The following NRG3 variants were observed in gnomAD, a reference collection of about 807,000 sequenced individuals.
The protein encoded by NRG3 is neuregulin 3.
A neutral mutation model predicts 66.9 loss-of-function variants in NRG3; 31 were observed. The observed-to-expected ratio is 0.46, with a 90% CI of 0.35 to 0.63. The LOEUF is 0.63. Among genes scored for constraint, NRG3 ranks in the 20% least tolerant of loss-of-function variants. The pLI is 0.00. For missense variants in NRG3, 910 were observed against 878.9 expected (o/e 1.04, Z -0.45); for synonymous variants, 393 against 359.4 (o/e 1.09, Z -1.06).
rs960839914 is a variant in NRG3, at chr10:81,964,299, A to C, written c.823+88136A>C. On this transcript the variant is annotated intron_variant, in intron 1 of 8. Coordinates refer to ENST00000372141, the MANE Select transcript of NRG3 (RefSeq NM_001010848.4). ...TTCTTTTTTTAAAAAACAGCTGCATAGAAGGAGAATCACTTGAACCCGGGA... is the reference window on the plus strand; with the variant it reads ...TTCTTTTTTTAAAAAACAGCTGCATCGAAGGAGAATCACTTGAACCCGGGA... Among the ~76,000 whole-genome samples, 7 of 151,228 alleles carry C rather than the reference A, an allele frequency of 4.6e-5. No homozygotes were observed. The Admixed American group carries it at 4.6e-4, about 10-fold the overall frequency.
At chr10:82,938,084 A>G (rs1848249639) in intron 4 of NRG3, among the ~76,000 whole-genome samples, 1 of 152,202 alleles carries the variant, frequency 6.6e-6, no homozygotes, top group Admixed American at 6.5e-5. Flanking sequence ...TGTATAATTA[A>G]AGCGAATTTC....
chr10:82,046,547 G>A (rs546501318), intron 1 of NRG3, among the ~76,000 whole-genome samples: 1 of 27,210 alleles, frequency 3.7e-5, no homozygotes, highest in African/African-American at 5.2e-5. Flanking sequence ...TTTCCTAATT[G>A]AATACCCTTT....
At position 81,992,779 on chromosome 10, in the gene NRG3, A is replaced by G. The variant is rs575226379; in HGVS notation, c.823+116616A>G. On this transcript the variant is annotated intron_variant, in intron 1 of 8. Coordinates refer to ENST00000372141, the MANE Select transcript of NRG3 (RefSeq NM_001010848.4). ...TGTCACAGCTGCACTGTGATCCAAT[A>G]TAGACATTCTCTGTATGATAGCAAC... Among the ~76,000 whole-genome samples the G allele has an allele frequency of 3.3e-5, 5 of 152,250 alleles. No homozygotes were observed. The East Asian group carries it at 9.7e-4, about 29-fold the overall frequency.
intron 4 of NRG3, among the ~76,000 whole-genome samples, chr10:82,916,077 T>C (rs1465601819): frequency 1.3e-5 from 2 of 152,154 alleles, no homozygotes; most frequent in Admixed American, 6.5e-5. Context: ...AGGCTTTACA[T>C]TGGATAAAAG....
chr10:82,016,696 G>A (rs929972659), intron 1 of NRG3, among the ~76,000 whole-genome samples: 6 of 152,208 alleles, frequency 3.9e-5, no homozygotes, highest in Middle Eastern at 3.4e-3. Flanking sequence ...AAGTAATGAG[G>A]TCTGCGACTA....
intron 1 of NRG3, among the ~76,000 whole-genome samples, chr10:81,944,198 G>A (rs1420569041): frequency 6.6e-6 from 1 of 152,176 alleles, no homozygotes; most frequent in Non-Finnish European, 1.5e-5. Context: ...AAATCCACAT[G>A]GCATGCCCAA....
intron 1 of NRG3, among the ~76,000 whole-genome samples, chr10:81,912,150 G>A (rs959065582): frequency 1.3e-5 from 2 of 151,808 alleles, no homozygotes; most frequent in East Asian, 3.9e-4. Flanking sequence ...TTTATTTTAT[G>A]CTTTGGATGG....
intron 1 of NRG3, among the ~76,000 whole-genome samples, chr10:82,025,330 A>G (rs2062250983): frequency 6.6e-6 from 1 of 151,410 alleles, no homozygotes; most frequent in Non-Finnish European, 1.5e-5. Context: ...TTTTCCATGT[A>G]CGTATATTTG....
At chr10:82,537,577 G>C (rs2043247555) in intron 2 of NRG3, among the ~76,000 whole-genome samples, 1 of 152,120 alleles carries the variant, frequency 6.6e-6, no homozygotes, top group African/African-American at 2.4e-5. Flanking sequence ...GAAACTCCTG[G>C]ACTATTAGTG....
chr10:82,747,461 G>A (rs548852827), intron 3 of NRG3, among the ~76,000 whole-genome samples: 10 of 151,942 alleles, frequency 6.6e-5, no homozygotes, highest in East Asian at 3.9e-4. Flanking sequence ...TTACATTTCC[G>A]TGAGTGAAAA....
At chr10:82,982,016 C>CAA (rs1167879673) in intron 8 of NRG3, among the ~76,000 whole-genome samples, 2 of 152,176 alleles carry the variant, frequency 1.3e-5, no homozygotes, top group Non-Finnish European at 2.9e-5. Context: ...CCCAAAGTGA[C>CAA]ATACACAGTC....
chr10:82,234,041 T>TGG (rs2076634327), intron 1 of NRG3, among the ~76,000 whole-genome samples: 1 of 152,188 alleles, frequency 6.6e-6, no homozygotes, highest in Non-Finnish European at 1.5e-5. Flanking sequence ...TTTTGATTAA[T>TGG]ATTGGTAAAA....
chr10:82,650,782 TA>T (rs1466673950), intron 2 of NRG3, among the ~76,000 whole-genome samples: 1 of 152,170 alleles, frequency 6.6e-6, no homozygotes, highest in Admixed American at 6.5e-5. Context: ...TACAGACATT[TA>T]AAAAATGGAA....
intron 1 of NRG3, among the ~76,000 whole-genome samples, chr10:82,355,393 A>G (rs2083708564): frequency 6.6e-6 from 1 of 152,188 alleles, no homozygotes; most frequent in Admixed American, 6.5e-5. Context: ...ATTCTTATTT[A>G]TGTTCTATTT....
intron 2 of NRG3, among the ~76,000 whole-genome samples, chr10:82,724,008 T>TAAAAAAAAAAAAAAAAAAAA (rs1565242500): frequency 6.9e-6 from 1 of 143,968 alleles, no homozygotes. Context: ...AAAAAAAATT[T>TAAAAAAAAAAAAAAAAAAAA]AAAAAATAAA....
chr10:82,920,504 A>T (rs1048417069), intron 4 of NRG3, among the ~76,000 whole-genome samples: 2 of 152,152 alleles, frequency 1.3e-5, no homozygotes, highest in African/African-American at 4.8e-5. Flanking sequence ...GCATATTCAC[A>T]TGCAGATCTT....
chr10:82,171,446 T>C (rs528390926), intron 1 of NRG3, among the ~76,000 whole-genome samples: 2 of 152,146 alleles, frequency 1.3e-5, no homozygotes, highest in Admixed American at 6.6e-5. Flanking sequence ...TGCTCTCTGA[T>C]AGATGCTGTA....
intron 2 of NRG3, among the ~76,000 whole-genome samples, chr10:82,650,712 T>G (rs537517001): frequency 6.6e-6 from 1 of 152,352 alleles, no homozygotes; most frequent in East Asian, 1.9e-4. Context: ...AGGTACATAT[T>G]TTTTCTTGGT....
chr10:82,015,028 G>T (rs2061726092), intron 1 of NRG3, among the ~76,000 whole-genome samples: 1 of 152,138 alleles, frequency 6.6e-6, no homozygotes, highest in South Asian at 2.1e-4. Flanking sequence ...GTAGGAATTT[G>T]TATGCTTTAA....
Sources: allele counts gnomAD v4.1 joint callset (sites outside exome capture counted in the v4.1 genomes callset), GRCh38; gene constraint gnomAD v4.1.1; transcripts MANE v1.5; gene names NCBI Gene and HGNC (gene_info 2026-07-23, HGNC 2026-07-21).